Variants in CDH18 observed in about 807,000 individuals in gnomAD.
CDH18 encodes cadherin 18.
Under a neutral mutation model 67.9 loss-of-function variants are expected in CDH18, and 31 were observed. The ratio of observed to expected loss-of-function variants is 0.46; its 90% CI spans 0.34 to 0.62. CDH18 has a LOEUF of 0.62. CDH18 is among the 20% of genes least tolerant of loss of function. The pLI is 0.01. For synonymous variants in CDH18, 362 were observed against 347.2 expected (o/e 1.04, Z -0.48); for missense variants, 890 against 975.5 (o/e 0.91, Z 1.17).
intron 9 of CDH18, among the ~76,000 whole-genome samples, chr5:19,542,981 G>A (rs1024047995): frequency 6.6e-6 from 1 of 151,966 alleles, no homozygotes; most frequent in East Asian, 1.9e-4. Context: ...AAAACAGAAC[G>A]TGATTTTACT....
chr5:20,155,198 A>G (rs73762523), intron 2 of CDH18, among the ~76,000 whole-genome samples: 1 of 152,312 alleles, frequency 6.6e-6, no homozygotes, highest in African/African-American at 2.4e-5. Flanking sequence ...AATGTAAACT[A>G]GTATTTTTCT....
At chr5:19,614,937 G>A (rs963590073) in intron 5 of CDH18, among the ~76,000 whole-genome samples, 5 of 152,128 alleles carry the variant, frequency 3.3e-5, no homozygotes, top group Admixed American at 1.3e-4. Context: ...CACGAGGTCA[G>A]AAGATTCAGA....
chr5:20,525,347 G>A (rs1035536501), intron 1 of CDH18, among the ~76,000 whole-genome samples: 10 of 152,034 alleles, frequency 6.6e-5, no homozygotes, highest in African/African-American at 1.9e-4. Context: ...TTACTGAGGC[G>A]GGGTTCATCT....
chr5:20,291,329 A>G (rs920115336), intron 1 of CDH18, among the ~76,000 whole-genome samples: 15 of 152,166 alleles, frequency 9.9e-5, no homozygotes, highest in Non-Finnish European at 1.6e-4. Flanking sequence ...AATGAAGACT[A>G]AGAGAGTCGG....
chr5:19,754,048 C>A (rs1189009458), intron 3 of CDH18, among the ~76,000 whole-genome samples: 2 of 151,912 alleles, frequency 1.3e-5, no homozygotes, highest in African/African-American at 4.8e-5. Flanking sequence ...TCTCACAGGA[C>A]CTATAAAACA....
chr5:19,963,516 G>A (rs1027969532), intron 2 of CDH18, among the ~76,000 whole-genome samples: 1 of 151,962 alleles, frequency 6.6e-6, no homozygotes, highest in Non-Finnish European at 1.5e-5. Context: ...TAGTGATAGT[G>A]AGTGAGTTCT....
chr5:20,052,337 G>T (rs139857891), intron 2 of CDH18, among the ~76,000 whole-genome samples: 1 of 152,104 alleles, frequency 6.6e-6, no homozygotes, highest in Non-Finnish European at 1.5e-5. Context: ...AGACTTAATG[G>T]GAGTCCAAGG....
At chr5:20,344,866 C>T (rs922400399) in intron 1 of CDH18, among the ~76,000 whole-genome samples, 1 of 152,072 alleles carries the variant, frequency 6.6e-6, no homozygotes, top group Non-Finnish European at 1.5e-5. Flanking sequence ...CATATGGGGC[C>T]TATTGACATT....
chr5:20,420,859 A>T (rs1225255120), intron 1 of CDH18, among the ~76,000 whole-genome samples: 1 of 151,258 alleles, frequency 6.6e-6, no homozygotes, highest in Non-Finnish European at 1.5e-5. Flanking sequence ...TCAGCAAAAA[A>T]ATCTTCTTTC....
At chr5:19,511,629 G>T (rs1281324048) in intron 10 of CDH18, among the ~76,000 whole-genome samples, 1 of 152,152 alleles carries the variant, frequency 6.6e-6, no homozygotes, top group Admixed American at 6.6e-5. Context: ...TTTTGCCCCT[G>T]CTCTAGGGAT....
intron 2 of CDH18, among the ~76,000 whole-genome samples, chr5:20,207,767 C>G (rs541193960): frequency 6.6e-6 from 1 of 151,986 alleles, no homozygotes; most frequent in South Asian, 2.1e-4. Context: ...ATACCTAAAG[C>G]AATTTACAGA....
At chr5:19,543,028 AT>A (rs1319600997) in intron 9 of CDH18, among the ~76,000 whole-genome samples, 1 of 152,138 alleles carries the variant, frequency 6.6e-6, no homozygotes, top group Non-Finnish European at 1.5e-5. Context: ...AGTATTCTTA[AT>A]CTCTAATATA....
At chr5:19,644,008 C>T (rs955620780) in intron 5 of CDH18, among the ~76,000 whole-genome samples, 6 of 152,072 alleles carry the variant, frequency 3.9e-5, no homozygotes, top group Non-Finnish European at 7.4e-5. Flanking sequence ...GGAAAACATA[C>T]ATAGTGCCTC....
At chr5:20,553,038 C>T (rs62354283) in intron 1 of CDH18, among the ~76,000 whole-genome samples, 4,146 of 152,200 alleles carry the variant, frequency 0.027, 96 homozygotes, top group African/African-American at 0.064. Context: ...CAGGAGTGAG[C>T]CACCATGCCT....
At chr5:19,721,617 A>G (rs532335420) in intron 4 of CDH18, 151 bp from the exon 5 acceptor site, 1 of 551,260 alleles carries the variant, frequency 1.8e-6, no homozygotes, top group Non-Finnish European at 2.9e-6. Context: ...AAAACATATT[A>G]CTTGCTTTCT....
chr5:19,864,269 AT>A (rs1213288857), intron 2 of CDH18, among the ~76,000 whole-genome samples: 2 of 151,052 alleles, frequency 1.3e-5, no homozygotes, highest in Admixed American at 6.6e-5. Context: ...TCAGTAAACT[AT>A]CACAAGGACA....
intron 3 of CDH18, among the ~76,000 whole-genome samples, chr5:19,837,523 G>A (rs1457311776): frequency 4.6e-5 from 7 of 151,944 alleles, no homozygotes; most frequent in African/African-American, 1.7e-4. Flanking sequence ...GAAATACTTG[G>A]TAGGGAAAAA....
intron 1 of CDH18, among the ~76,000 whole-genome samples, chr5:20,423,314 C>T (rs1748010107): frequency 6.6e-6 from 1 of 151,228 alleles, no homozygotes; most frequent in African/African-American, 2.5e-5. Flanking sequence ...CACGTCATCA[C>T]TCTGCTATCT....
At chr5:19,561,118 A>T (rs574624782) in intron 8 of CDH18, among the ~76,000 whole-genome samples, 1 of 152,246 alleles carries the variant, frequency 6.6e-6, no homozygotes, top group African/African-American at 2.4e-5. Flanking sequence ...TACAGAACTA[A>T]AAGTACATCT....
Sources: allele counts gnomAD v4.1 joint callset (sites outside exome capture counted in the v4.1 genomes callset), GRCh38; gene constraint gnomAD v4.1.1; transcripts MANE v1.5; gene names NCBI Gene and HGNC (gene_info 2026-07-23, HGNC 2026-07-21).